The following MTR variants were observed in gnomAD, a reference collection of about 807,000 sequenced individuals.
The protein encoded by MTR is methionine synthase.
A neutral mutation model predicts 154.8 loss-of-function variants in MTR; 84 were observed. The observed-to-expected ratio is 0.54, with a 90% CI of 0.45 to 0.65. The LOEUF (loss-of-function observed/expected upper bound fraction) is 0.65, where lower values mean the gene tolerates loss of function less well. Among genes scored for constraint, MTR ranks in the 30% least tolerant of loss-of-function variants. The pLI is 0.00. For missense variants in MTR, 1,275 were observed against 1,570.2 expected (o/e 0.81, Z 3.18); for synonymous variants, 554 against 553.9 (o/e 1.00, Z 0.00).
rs530750009 is a variant in MTR at position 236,856,931 on chromosome 1, T to C, written c.1954-2902T>C. ...CACATTTTCTTTATCCAGTCTATCA[T>C]TGATGGGTATTTGGGTTGGTTTCAA... is the stretch of plus-strand genomic sequence containing the variant. On this transcript the variant is annotated intron_variant, in intron 18 of 32. Transcript: ENST00000366577. Among the ~76,000 whole-genome samples, 3 of 152,338 alleles carry C rather than the reference T, an allele frequency of 2.0e-5. No homozygotes were observed. The East Asian group carries it at 5.8e-4, about 29-fold the overall frequency.
intron 15 of MTR, among the ~76,000 whole-genome samples, chr1:236,849,773 A>C (rs1358337007): frequency 6.6e-6 from 1 of 152,186 alleles, no homozygotes; most frequent in African/African-American, 2.4e-5. Context: ...ATTTGTATTT[A>C]TGACTTAAGA....
chr1:236,852,874 T>C, intron 17 of MTR, 74 bp from the exon 18 acceptor site: 1 of 1,556,184 alleles, frequency 6.4e-7, no homozygotes. Context: ...TCTGGCCCTT[T>C]ACAGAGAAAA....
intron 23 of MTR, 22 bp downstream of exon 23, chr1:236,873,862 G>A: frequency 6.2e-7 from 1 of 1,608,720 alleles, no homozygotes; most frequent in Non-Finnish European, 8.5e-7. Context: ...CTATACTTTG[G>A]GCATTTCTCT....
intron 9 of MTR, 52 bp downstream of exon 9, chr1:236,824,271 T>C (rs751691006): frequency 1.0e-5 from 14 of 1,364,330 alleles, no homozygotes; most frequent in African/African-American, 1.4e-5. Flanking sequence ...ACATAAGACA[T>C]GGCATAGATG....
At chr1:236,836,747 G>A (rs1039927103) in intron 14 of MTR, among the ~76,000 whole-genome samples, 3 of 152,150 alleles carry the variant, frequency 2.0e-5, no homozygotes, top group Admixed American at 1.3e-4. Flanking sequence ...TCCTCTGGGA[G>A]TAAATATTTT....
At chr1:236,828,933 G>T (rs1026066236) in intron 11 of MTR, among the ~76,000 whole-genome samples, 7 of 151,986 alleles carry the variant, frequency 4.6e-5, no homozygotes, top group Non-Finnish European at 1.0e-4. Flanking sequence ...TCATGTCTCA[G>T]AAAGTAAAAA....
chr1:236,824,459 A>G (rs1407282079), intron 9 of MTR, among the ~76,000 whole-genome samples: 2 of 152,214 alleles, frequency 1.3e-5, no homozygotes, highest in African/African-American at 4.8e-5. Context: ...ATAACTGACC[A>G]GAGCTTTGCC....
At chr1:236,890,447 G>A (rs1382152082) in intron 28 of MTR, among the ~76,000 whole-genome samples, 3 of 152,124 alleles carry the variant, frequency 2.0e-5, no homozygotes, top group East Asian at 1.9e-4. Flanking sequence ...TACCACTAAC[G>A]TTCCCTGTAC....
chr1:236,860,121 AT>A (rs1361285355), intron 19 of MTR, among the ~76,000 whole-genome samples, 199 bp downstream of exon 19: 1 of 115,852 alleles, frequency 8.6e-6, no homozygotes, highest in Non-Finnish European at 1.6e-5. Context: ...GTTCAGAGAC[AT>A]TTTTGATTGT....
chr1:236,816,632 C>A, intron 8 of MTR, 89 bp downstream of exon 8: 2 of 1,077,796 alleles, frequency 1.9e-6, no homozygotes, highest in Non-Finnish European at 2.9e-6. Context: ...GGGATTGCTT[C>A]TACATATTTT....
chr1:236,808,101 G>C (rs1661088020), intron 3 of MTR, among the ~76,000 whole-genome samples: 1 of 152,170 alleles, frequency 6.6e-6, no homozygotes. Context: ...CTTGGTCTGT[G>C]GAAGAGCTTC....
intron 22 of MTR, among the ~76,000 whole-genome samples, chr1:236,865,039 T>C (rs996655325): frequency 6.6e-6 from 1 of 152,172 alleles, no homozygotes; most frequent in Non-Finnish European, 1.5e-5. Flanking sequence ...TAGCTGAGAG[T>C]ATTATACTAG....
At chr1:236,813,901 G>A (rs2103052052) in intron 6 of MTR, among the ~76,000 whole-genome samples, 1 of 152,130 alleles carries the variant, frequency 6.6e-6, no homozygotes, top group African/African-American at 2.4e-5. Flanking sequence ...ATGTTGTGTG[G>A]TTGAATTTAC....
Position 236,803,413 on chromosome 1 carries a change from T to C in MTR, c.35-15T>C, listed in dbSNP as rs747754459. Reference sequence around the variant, plus strand: ...CCTTTCATTCTTTGAAGTCAAACTTTCACTTTCTTTAAAGAAGGTCTGAAG... The same window carrying C: ...CCTTTCATTCTTTGAAGTCAAACTTCCACTTTCTTTAAAGAAGGTCTGAAG... On this transcript the variant is annotated splice_polypyrimidine_tract_variant and intron_variant, in intron 1 of 32. Transcript: ENST00000366577. 4 of 1,612,400 alleles carry C rather than the reference T, an allele frequency of 2.5e-6. No individual in the cohort carries two copies. Among genetic ancestry groups the C allele is most frequent in the Admixed American group, 3.3e-5 (2 of 59,976 alleles).
intron 29 of MTR, 33 bp from the exon 30 acceptor site, chr1:236,894,324 C>T: frequency 6.2e-7 from 1 of 1,610,496 alleles, no homozygotes; most frequent in Non-Finnish European, 8.5e-7. Context: ...GCTAACGGCG[C>T]CCCCGCACAC....
At chr1:236,833,703 G>C (rs1662746293) in intron 13 of MTR, among the ~76,000 whole-genome samples, 1 of 152,192 alleles carries the variant, frequency 6.6e-6, no homozygotes, top group Admixed American at 6.5e-5. Flanking sequence ...CCTGAAAGAA[G>C]TTCCAGTCCT....
At chr1:236,831,427 C>G (rs1378829042) in intron 12 of MTR, among the ~76,000 whole-genome samples, 1 of 152,216 alleles carries the variant, frequency 6.6e-6, no homozygotes, top group African/African-American at 2.4e-5. Flanking sequence ...ACAGTGACTC[C>G]TGTCTCTCAG....
intron 7 of MTR, 60 bp downstream of exon 7, chr1:236,815,723 GT>G (rs1661554442): frequency 1.3e-6 from 2 of 1,531,670 alleles, no homozygotes; most frequent in Non-Finnish European, 1.8e-6. Flanking sequence ...TTTTGAGCAT[GT>G]TTTTCCCCCG....
intron 2 of MTR, 82 bp downstream of exon 2, chr1:236,803,724 G>A (rs541850463): frequency 6.0e-5 from 79 of 1,316,728 alleles, no homozygotes; most frequent in African/African-American, 8.8e-5. Context: ...CTGCTATGCC[G>A]AGTGCTCCGG....
Sources: gnomAD v4.1 joint callset for allele counts (sites outside exome capture counted in the v4.1 genomes callset) on GRCh38, gnomAD v4.1.1 for gene constraint, MANE v1.5 for transcripts, NCBI Gene and HGNC (gene_info 2026-07-23, HGNC 2026-07-21) for gene names.